Variants in HIPK3 observed in about 807,000 individuals in gnomAD.
The protein encoded by HIPK3 is homeodomain interacting protein kinase 3.
A neutral mutation model predicts 124.2 loss-of-function variants in HIPK3; 47 were observed. The ratio of observed to expected loss-of-function variants is 0.38; its 90% CI spans 0.30 to 0.48. The LOEUF (loss-of-function observed/expected upper bound fraction) is 0.48, where lower values mean the gene tolerates loss of function less well. HIPK3 is among the 20% of genes least tolerant of loss of function. The pLI, the probability that HIPK3 is intolerant of heterozygous loss-of-function variation, is 0.98. For synonymous variants in HIPK3, 482 were observed against 515.2 expected (o/e 0.94, Z 0.87); for missense variants, 1,286 against 1,454.3 (o/e 0.88, Z 1.88).
At chr11:33,266,947 T>G (rs1850982100) in intron 1 of HIPK3, among the ~76,000 whole-genome samples, 2 of 152,116 alleles carry the variant, frequency 1.3e-5, no homozygotes, top group Admixed American at 1.3e-4. Context: ...TTCTCTTGTT[T>G]TCTCGTGGTT....
intron 1 of HIPK3, among the ~76,000 whole-genome samples, chr11:33,285,137 A>G (rs1397451292): frequency 1.3e-5 from 2 of 152,248 alleles, no homozygotes; most frequent in African/African-American, 4.8e-5. Context: ...AAATCATTAT[A>G]CATTTAATGG....
intron 3 of HIPK3, among the ~76,000 whole-genome samples, chr11:33,336,009 GGAACTTA>G (rs1382369307): frequency 6.6e-6 from 1 of 152,200 alleles, no homozygotes; most frequent in East Asian, 1.9e-4. Context: ...TTCCGTTCAT[GGAACTTA>G]GAGTCTCATG....
chr11:33,270,099 T>C (rs1407806748), intron 1 of HIPK3, among the ~76,000 whole-genome samples: 1 of 152,174 alleles, frequency 6.6e-6, no homozygotes, highest in Non-Finnish European at 1.5e-5. Flanking sequence ...TGCCTCAGCT[T>C]CCCGAGTAGC....
intron 1 of HIPK3, among the ~76,000 whole-genome samples, chr11:33,284,991 AGTTGCTAG>A (rs1851510158): frequency 6.6e-6 from 1 of 152,220 alleles, no homozygotes; most frequent in Non-Finnish European, 1.5e-5. Flanking sequence ...ATAGGTCAGC[AGTTGCTAG>A]GTTGATTTCA....
chr11:33,269,478 CT>C (rs940779039), intron 1 of HIPK3, among the ~76,000 whole-genome samples: 1 of 150,696 alleles, frequency 6.6e-6, no homozygotes, highest in Non-Finnish European at 1.5e-5. Context: ...TTTTTTCCTG[CT>C]TTTTTTTTGA....
At chr11:33,349,844 G>A (rs1172070906) in intron 14 of HIPK3, among the ~76,000 whole-genome samples, 1 of 152,090 alleles carries the variant, frequency 6.6e-6, no homozygotes, top group Admixed American at 6.5e-5. Flanking sequence ...TTGGCTCACC[G>A]CAGCCTCCGC....
At chr11:33,306,310 TTG>T (rs1467661017) in intron 2 of HIPK3, among the ~76,000 whole-genome samples, 1 of 152,144 alleles carries the variant, frequency 6.6e-6, no homozygotes, top group Non-Finnish European at 1.5e-5. Context: ...AATTGTCAAT[TTG>T]TGATTGTAAA....
intron 3 of HIPK3, among the ~76,000 whole-genome samples, chr11:33,335,339 CAG>C (rs1208143637): frequency 2.0e-5 from 3 of 152,092 alleles, no homozygotes; most frequent in African/African-American, 7.2e-5. Flanking sequence ...AAAGAACAAA[CAG>C]AGGAACAGAG....
chr11:33,285,578 A>AATAT (rs34306070), intron 1 of HIPK3, among the ~76,000 whole-genome samples: 1 of 38,362 alleles, frequency 2.6e-5, no homozygotes, highest in Non-Finnish European at 6.6e-5. Context: ...AAAAAAAAAA[A>AATAT]ATATATATAT....
chr11:33,346,037 A>G (rs957256711), intron 8 of HIPK3, among the ~76,000 whole-genome samples: 2 of 152,194 alleles, frequency 1.3e-5, no homozygotes, highest in African/African-American at 4.8e-5. Context: ...TGTTGAAAGT[A>G]ACTGCTGCAA....
At chr11:33,337,382 GT>G (rs1426321061) in intron 4 of HIPK3, among the ~76,000 whole-genome samples, 188 bp downstream of exon 4, 2 of 151,050 alleles carry the variant, frequency 1.3e-5, no homozygotes, top group Admixed American at 6.6e-5. Flanking sequence ...TTGAGATGGA[GT>G]TTCTCTCTCT....
Position 33,347,387 on chromosome 11 carries a change from A to G in HIPK3, c.1992A>G (p.Leu664=). 1.2e-6 allele frequency: 2 copies of G among 1,614,138 alleles called. No individual in the cohort carries two copies. Among genetic ancestry groups the G allele is most frequent in the South Asian group, 1.1e-5 (1 of 91,084 alleles). ...LVTQAPAVQP[L]QIRPGVLSQT... ...CTCAGGCCCCAGCTGTGCAGCCACT[A>G]CAGATCCGACCAGGAGTTCTTTCTC... The change falls in exon 9 of 17, where the codon CTA becomes CTG. Residue 664 remains leucine (L), a synonymous_variant. Coordinates refer to ENST00000303296, the MANE Select transcript of HIPK3 (RefSeq NM_005734.5).
chr11:33,276,412 A>G (rs987685211), intron 1 of HIPK3, among the ~76,000 whole-genome samples: 5 of 152,250 alleles, frequency 3.3e-5, no homozygotes, highest in Admixed American at 1.3e-4. Context: ...GGGCCTATGA[A>G]TAAATAATAT....
chr11:33,265,033 A>C (rs1850917588), intron 1 of HIPK3, among the ~76,000 whole-genome samples: 1 of 152,230 alleles, frequency 6.6e-6, no homozygotes, highest in Non-Finnish European at 1.5e-5. Flanking sequence ...GATAACATTG[A>C]AAACTGAACC....
At chr11:33,342,542 CTTTTTTTTT>C (rs371154303) in intron 8 of HIPK3, among the ~76,000 whole-genome samples, 1 of 135,990 alleles carries the variant, frequency 7.4e-6, no homozygotes, top group Non-Finnish European at 1.6e-5. Context: ...GCTATACATT[CTTTTTTTTT>C]TTTTTTTTTG....
chr11:33,287,526 C>T lies in HIPK3; in HGVS notation c.1097+15C>T. 6.3e-7 allele frequency: 1 copy of T among 1,590,046 alleles called. No individual in the cohort carries two copies. On this transcript the variant is annotated intron_variant, in intron 2 of 16. Transcript: ENST00000303296. ...CGGTACTACAGGTAGGTAACAACTC[C>T]ATACTTTTTGGTTGTTTATTAATGT...
intron 1 of HIPK3, among the ~76,000 whole-genome samples, chr11:33,281,274 C>T (rs1851406688): frequency 6.6e-6 from 1 of 151,744 alleles, no homozygotes; most frequent in African/African-American, 2.4e-5. Flanking sequence ...CTATGCTTGG[C>T]CCTTATTTAA....
At chr11:33,289,787 T>C (rs1851651253) in intron 2 of HIPK3, among the ~76,000 whole-genome samples, 1 of 152,188 alleles carries the variant, frequency 6.6e-6, no homozygotes, top group Non-Finnish European at 1.5e-5. Flanking sequence ...TTGGACCCCT[T>C]AATCATCTCT....
rs1174279511 is a variant in HIPK3 at position 33,356,234 on chromosome 11, G to C, written c.*2666G>C. 6.6e-6 allele frequency: 1 copy of C among 151,908 alleles called. No individual in the cohort carries two copies. Among genetic ancestry groups the C allele is most frequent in the Non-Finnish European group, 1.5e-5 (1 of 67,862 alleles). The allele number at this position is 151,908 out of a possible 1,614,324, so 9.4% of individuals were successfully genotyped here. On this transcript the variant is annotated 3_prime_UTR_variant, in exon 17 of 17. Coordinates refer to ENST00000303296, the MANE Select transcript of HIPK3 (RefSeq NM_005734.5). ...TTTTCATAATACAGTATTAATGTTTGATAAAGGTATATCCCAGTTAACTAC... is the reference window on the plus strand; with the variant it reads ...TTTTCATAATACAGTATTAATGTTTCATAAAGGTATATCCCAGTTAACTAC...
Sources: gnomAD v4.1 joint callset for allele counts (sites outside exome capture counted in the v4.1 genomes callset) on GRCh38, gnomAD v4.1.1 for gene constraint, MANE v1.5 for transcripts, NCBI Gene and HGNC (gene_info 2026-07-23, HGNC 2026-07-21) for gene names.